Variants in C17orf107 observed in about 807,000 individuals in gnomAD.
C17orf107 encodes chromosome 17 open reading frame 107.
Under a neutral mutation model 8.9 loss-of-function variants are expected in C17orf107, and 9 were observed. The observed-to-expected ratio is 1.02, with a 90% CI of 0.61 to 1.77. The LOEUF is 1.77. Among genes scored for constraint, C17orf107 ranks in the 40% most tolerant of loss-of-function variants. C17orf107 has a pLI of 0.00. For synonymous variants in C17orf107, 139 were observed against 120.3 expected (o/e 1.16, Z -1.02); for missense variants, 281 against 249.0 (o/e 1.13, Z -0.86).
In C17orf107 at chr17:4,900,876, G is replaced by A. The variant is rs996197218; in HGVS notation, c.*343G>A. 1.4e-5 allele frequency: 22 copies of A among 1,614,206 alleles called. No individual in the cohort carries two copies. Among genetic ancestry groups the A allele is most frequent in the Non-Finnish European group, 1.7e-5 (20 of 1,180,000 alleles). On this transcript the variant is annotated 3_prime_UTR_variant, in exon 3 of 3. Coordinates refer to ENST00000381365, the MANE Select transcript of C17orf107 (RefSeq NM_001145536.2). Reference sequence around the variant, plus strand: ...AGAAGACGGTCTGGGCGAGCAGGACGTTGATGGAGACCGTGCATTTCTGGC... The same window carrying A: ...AGAAGACGGTCTGGGCGAGCAGGACATTGATGGAGACCGTGCATTTCTGGC...
At position 4,900,975 on chromosome 17, in the gene C17orf107, G is replaced by A. The variant is rs374113313; in HGVS notation, c.*442G>A. 6.2e-7 allele frequency: 1 copy of A among 1,613,950 alleles called. No individual in the cohort carries two copies. The highest frequency in any genetic ancestry group is 8.5e-7 in the Non-Finnish European group (1 of 1,179,862). ...CGAGCCCGGGTTTGGGGGTAGGTTCGGGGCCACTGCTTACCCTGCGCCGGC... is the reference window on the plus strand; with the variant it reads ...CGAGCCCGGGTTTGGGGGTAGGTTCAGGGCCACTGCTTACCCTGCGCCGGC... On this transcript the variant is annotated 3_prime_UTR_variant, in exon 3 of 3. Transcript: ENST00000381365.
Position 4,901,757 on chromosome 17 carries a change from C to A in C17orf107, c.*1224C>A. On this transcript the variant is annotated 3_prime_UTR_variant, in exon 3 of 3. Transcript: ENST00000381365. ...CCCCTTCACCCAAGCCCAGCCCGCA[C>A]GCCTCTGTTCCCATCTGTACCTCCG... The A allele has an allele frequency of 3.2e-6, 4 of 1,236,150 alleles. No individual in the cohort carries two copies. The highest frequency in any genetic ancestry group is 4.7e-6 in the Non-Finnish European group (4 of 858,492). 76.6% of individuals were successfully genotyped at this position (1,236,150 alleles called of 1,614,324 possible). A position where few individuals can be genotyped will look rare whatever the true frequency, so the allele number is the denominator to read the frequency against.
chr17:4,905,992 G>A (rs1049799076), downstream of C17orf107, among the ~76,000 whole-genome samples: 2 of 152,188 alleles, frequency 1.3e-5, no homozygotes, highest in East Asian at 1.9e-4. Context: ...CGCTCTGTCC[G>A]CTCTCTGCTC....
rs1969940290 is a variant in C17orf107, at chr17:4,900,351, C to T, written c.391C>T (p.Gln131Ter). The stretch of plus-strand genomic sequence containing the variant: ...GAGCCGGGTAGCCCAAGCCGCAGGG[C>T]AGGGGGTTCGGCAAGCTGGGGCTGC... The part of the protein sequence containing the change: ...ALSRVAQAAG[Q>*]GVRQAGAAVG... The change falls in exon 3 of 3, where the codon CAG becomes TAG. Residue 131 changes from glutamine (Q) to a stop codon, truncating the protein, a stop_gained. Coordinates refer to ENST00000381365, the MANE Select transcript of C17orf107 (RefSeq NM_001145536.2). LOFTEE classifies it low-confidence loss of function (END_TRUNC). 2 of 1,547,830 alleles carry T rather than the reference C, an allele frequency of 1.3e-6. No individual in the cohort carries two copies. Among genetic ancestry groups the T allele is most frequent in the Non-Finnish European group, 1.7e-6 (2 of 1,146,316 alleles).
downstream of C17orf107, among the ~76,000 whole-genome samples, chr17:4,904,978 C>T (rs2151100293): frequency 6.6e-6 from 1 of 152,334 alleles, no homozygotes; most frequent in Non-Finnish European, 1.5e-5. Context: ...GACTAAGTCT[C>T]AAATCTGTGC....
rs893815087 is a variant in C17orf107, at chr17:4,900,037, A to C, written c.168A>C (p.Pro56=). The C allele has an allele frequency of 7.7e-6, 12 of 1,551,198 alleles. No individual in the cohort carries two copies. The highest frequency in any genetic ancestry group is 9.6e-6 in the Non-Finnish European group (11 of 1,146,982). ...QRFRELKSLE[P]PEPKMQGMLP... Reference sequence around the variant, plus strand: ...TCAGAGAGCTGAAGTCCCTGGAGCCACCCGAACCGAAGATGCAGGGGATGC... The same window carrying C: ...TCAGAGAGCTGAAGTCCCTGGAGCCCCCCGAACCGAAGATGCAGGGGATGC... The change falls in exon 2 of 3, where the codon CCA becomes CCC. Residue 56 remains proline (P), a synonymous_variant. Transcript: ENST00000381365.
downstream of C17orf107, among the ~76,000 whole-genome samples, chr17:4,906,695 T>G (rs965921147): frequency 1.6e-4 from 24 of 151,180 alleles, no homozygotes; most frequent in African/African-American, 5.6e-4. Flanking sequence ...TGTAAATAAA[T>G]AAATAAAATT....
downstream of C17orf107, among the ~76,000 whole-genome samples, chr17:4,904,024 A>G (rs1242524287): frequency 6.6e-6 from 1 of 150,678 alleles, no homozygotes; most frequent in Non-Finnish European, 1.5e-5. Context: ...TGCCCGGCTA[A>G]TTTTTGTATT....
chr17:4,900,622 C>T lies in C17orf107; in HGVS notation c.*89C>T. ...GAGACCTCCAGGTGACGTCCAGCAG[C>T]AGTGAGGAGGACGGCGGACCAGGGA... On this transcript the variant is annotated 3_prime_UTR_variant, in exon 3 of 3. Coordinates refer to ENST00000381365, the MANE Select transcript of C17orf107 (RefSeq NM_001145536.2). The T allele has an allele frequency of 6.6e-7, 1 of 1,506,686 alleles. No individual in the cohort carries two copies. The highest frequency in any genetic ancestry group is 9.0e-7 in the Non-Finnish European group (1 of 1,111,686). The allele number at this position is 1,506,686 out of a possible 1,614,324, so 93.3% of individuals were successfully genotyped here. A position where few individuals can be genotyped will look rare whatever the true frequency, so the allele number is the denominator to read the frequency against.
In C17orf107 at chr17:4,901,884, G is replaced by GGCC; in HGVS notation, c.*1351_*1352insGCC. On this transcript the variant is annotated 3_prime_UTR_variant, in exon 3 of 3. Transcript: ENST00000381365. ...TTCCCGGTTGGCCCCGCCCCATAAG[G>GGCC]CCCCCCCCCAACAATAATCGTCCGG... 1.9e-5 allele frequency: 29 copies of GGCC among 1,526,180 alleles called. No individual in the cohort carries two copies. Among genetic ancestry groups the GGCC allele is most frequent in the East Asian group, 2.3e-5 (1 of 42,700 alleles). 94.5% of individuals were successfully genotyped at this position (1,526,180 alleles called of 1,614,324 possible).
In C17orf107 at chr17:4,902,912, G is replaced by A. The variant is rs1485191705; in HGVS notation, c.*2379G>A. On this transcript the variant is annotated 3_prime_UTR_variant, in exon 3 of 3. Transcript: ENST00000381365. This position sits in a 1 kb window ranked among gnomAD's most constrained non-coding sequence, Gnocchi z 4.0. ...AACCAATTATGCTGTGCCTGGGAAC[G>A]AAATACTGTGTCTAAGTCTCCATCT... 1.0e-5 allele frequency: 16 copies of A among 1,581,782 alleles called. No homozygotes were observed. Among genetic ancestry groups the A allele is most frequent in the South Asian group, 2.2e-5 (2 of 90,304 alleles).
intron 1 of C17orf107, 23 bp downstream of exon 1, chr17:4,899,851 C>T: frequency 6.4e-7 from 1 of 1,551,084 alleles, no homozygotes; most frequent in East Asian, 2.4e-5. Flanking sequence ...CCGCCAAGGG[C>T]TGCACCTCGA....
At position 4,901,087 on chromosome 17, in the gene C17orf107, G is replaced by T. The variant is rs748765369; in HGVS notation, c.*554G>T. The T allele has an allele frequency of 3.7e-6, 6 of 1,613,848 alleles. No homozygotes were observed. The East Asian group carries it at 8.9e-5, about 24-fold the overall frequency. ...CGTAGAAGAGCGGCTTCCGGCGGAT[G>T]ATGAGCGAGTAGATGACGTCAGTCT... On this transcript the variant is annotated 3_prime_UTR_variant, in exon 3 of 3. Coordinates refer to ENST00000381365, the MANE Select transcript of C17orf107 (RefSeq NM_001145536.2).
chr17:4,902,637 G>A lies in C17orf107; in HGVS notation c.*2104G>A, dbSNP rs1970030161. On this transcript the variant is annotated 3_prime_UTR_variant, in exon 3 of 3. Coordinates refer to ENST00000381365, the MANE Select transcript of C17orf107 (RefSeq NM_001145536.2). This position sits in a 1 kb window ranked among gnomAD's most constrained non-coding sequence, Gnocchi z 4.0. ...GTAGCTTACCAGTGAGATGAGATTC[G>A]TCAGGGTGACCTTGAGGCTGATGGT... The A allele has an allele frequency of 6.2e-7, 1 of 1,613,880 alleles. No individual in the cohort carries two copies. Among genetic ancestry groups the A allele is most frequent in the Non-Finnish European group, 8.5e-7 (1 of 1,180,000 alleles).
chr17:4,904,217 G>T (rs150261110), downstream of C17orf107, among the ~76,000 whole-genome samples: 1 of 151,514 alleles, frequency 6.6e-6, no homozygotes, highest in African/African-American at 2.4e-5. Flanking sequence ...GGGGTGGGGG[G>T]ACAGGATCTC....
In C17orf107 at chr17:4,901,104, CGTCA is replaced by C. The variant is rs1597619440; in HGVS notation, c.*575_*578del. The C allele has an allele frequency of 1.9e-6, 3 of 1,613,436 alleles. No homozygotes were observed. The highest frequency in any genetic ancestry group is 2.7e-5 in the African/African-American group (2 of 74,910). ...CGGCGGATGATGAGCGAGTAGATGACGTCAGTCTCCCCTGGGCCGTCGGTGGCGC... is the reference window on the plus strand; with the variant it reads ...CGGCGGATGATGAGCGAGTAGATGACGTCTCCCCTGGGCCGTCGGTGGCGC... On this transcript the variant is annotated 3_prime_UTR_variant, in exon 3 of 3. Transcript: ENST00000381365.
rs780373222 is a variant in C17orf107, at chr17:4,900,547, C to T, written c.*14C>T. ...GGGGTGAGTTAGGGGCCAGAGGCGGCGGGGCTAGGGAGGCACTGAGCCGGA... is the reference window on the plus strand; with the variant it reads ...GGGGTGAGTTAGGGGCCAGAGGCGGTGGGGCTAGGGAGGCACTGAGCCGGA... On this transcript the variant is annotated 3_prime_UTR_variant, in exon 3 of 3. Transcript: ENST00000381365. 25 of 1,550,310 alleles carry T rather than the reference C, an allele frequency of 1.6e-5. No homozygotes were observed. The highest frequency in any genetic ancestry group is 2.2e-5 in the Non-Finnish European group (25 of 1,146,918).
Position 4,899,707 on chromosome 17 carries a change from A to C in C17orf107, c.-56A>C. On this transcript the variant is annotated 5_prime_UTR_variant, in exon 1 of 3. Coordinates refer to ENST00000381365, the MANE Select transcript of C17orf107 (RefSeq NM_001145536.2). Reference sequence around the variant, plus strand: ...GTTACGCCCTCCAGCTGCGCCCCCTACACGACGACAGACGCGTCCCCCAGC... The same window carrying C: ...GTTACGCCCTCCAGCTGCGCCCCCTCCACGACGACAGACGCGTCCCCCAGC... 4 of 1,505,664 alleles carry C rather than the reference A, an allele frequency of 2.7e-6. No homozygotes were observed. The highest frequency in any genetic ancestry group is 3.6e-6 in the Non-Finnish European group (4 of 1,105,822). 93.3% of individuals were successfully genotyped at this position (1,505,664 alleles called of 1,614,324 possible). A position where few individuals can be genotyped will look rare whatever the true frequency, so the allele number is the denominator to read the frequency against.
chr17:4,905,104 C>G (rs1048520225), downstream of C17orf107, among the ~76,000 whole-genome samples: 9 of 152,190 alleles, frequency 5.9e-5, no homozygotes, highest in Non-Finnish European at 1.3e-4. Context: ...GGGCCGAGTG[C>G]TACGGTTATT....
Sources: allele counts gnomAD v4.1 joint callset (sites outside exome capture counted in the v4.1 genomes callset), GRCh38; gene constraint gnomAD v4.1.1; non-coding constraint Gnocchi (gnomAD v3.1); transcripts MANE v1.5; gene names NCBI Gene and HGNC (gene_info 2026-07-23, HGNC 2026-07-21).